The following CNDP2 variants were observed in gnomAD, a reference collection of about 807,000 sequenced individuals.
The protein encoded by CNDP2 is cytosolic non-specific dipeptidase.
A neutral mutation model predicts 55.0 loss-of-function variants in CNDP2; 38 were observed. That is an observed-to-expected ratio of 0.69 (90% CI 0.53 to 0.90). The LOEUF is 0.90. Among genes scored for constraint, CNDP2 ranks in the 40% least tolerant of loss-of-function variants. The pLI is 0.00. For synonymous variants in CNDP2, 241 were observed against 260.2 expected, an observed-to-expected ratio of 0.93 and a Z score of 0.71; for missense variants, 607 against 621.7, an observed-to-expected ratio of 0.98 and a Z score of 0.25.
intron 8 of CNDP2, among the ~76,000 whole-genome samples, chr18:74,514,106 G>A (rs933670978): frequency 6.6e-6 from 1 of 152,214 alleles, no homozygotes; most frequent in Non-Finnish European, 1.5e-5. Flanking sequence ...GGAAAAGTGG[G>A]TCATGACTTT....
rs1979662781 is a variant in CNDP2, at chr18:74,516,325, G to A, written c.1001G>A (p.Arg334Lys). 1 of 1,614,184 alleles carries A rather than the reference G, an allele frequency of 6.2e-7. No individual in the cohort carries two copies. Among genetic ancestry groups the A allele is most frequent in the Non-Finnish European group, 8.5e-7 (1 of 1,180,038 alleles). The change falls in exon 9 of 12, where the codon AGG becomes AAG. Residue 334 changes from arginine (R) to lysine (K), a missense_variant. By Grantham distance (26) the Arg-to-Lys change is conservative. Coordinates refer to ENST00000324262, the MANE Select transcript of CNDP2 (RefSeq NM_018235.3). ...SGSGAKTVIP[R>K]KVVGKFSIRL... ...TCTGGGGCCAAGACCGTGATTCCCA[G>A]GAAGGTGGTTGGCAAGTTCTCCATC...
chr18:74,502,473 GT>G (rs780141172), intron 3 of CNDP2, among the ~76,000 whole-genome samples: 35 of 144,340 alleles, frequency 2.4e-4, no homozygotes, highest in Admixed American at 3.4e-4. Context: ...TGTCTTTTTG[GT>G]TTTTTTTTTT....
At chr18:74,518,245 G>T in intron 9 of CNDP2, 1 of 312,508 alleles carries the variant, frequency 3.2e-6, no homozygotes, top group Non-Finnish European at 6.1e-6. Context: ...CTGGACAACA[G>T]AGCGAGACTC....
chr18:74,513,587 C>T lies in CNDP2; in HGVS notation c.771C>T (p.Ile257=), dbSNP rs1979478133. 1.2e-6 allele frequency: 2 copies of T among 1,613,672 alleles called. No homozygotes were observed. The highest frequency in any genetic ancestry group is 2.2e-5 in the South Asian group (2 of 91,082). Residue 257 remains isoleucine (I), a synonymous_variant, in exon 8 of 12, where the codon ATC becomes ATT. Transcript: ENST00000324262. ...CTTTGGTGGACAAGAGGGGGAACATCCTGATCCCCGGCATTAACGAGGCCG... is the reference window on the plus strand; with the variant it reads ...CTTTGGTGGACAAGAGGGGGAACATTCTGATCCCCGGCATTAACGAGGCCG... ...MGSLVDKRGN[I]LIPGINEAVA...
chr18:74,500,364 T>C (rs966782174), intron 2 of CNDP2, among the ~76,000 whole-genome samples: 2 of 152,258 alleles, frequency 1.3e-5, no homozygotes, highest in Admixed American at 1.3e-4. Flanking sequence ...TTCTTGATGT[T>C]AACTTAGAGC....
intron 3 of CNDP2, among the ~76,000 whole-genome samples, chr18:74,503,494 C>T (rs1208985828): frequency 1.3e-5 from 2 of 152,204 alleles, no homozygotes; most frequent in African/African-American, 4.8e-5. Context: ...TTGGGCGTTT[C>T]AGAACAATTT....
chr18:74,518,225 G>A lies in CNDP2; in HGVS notation c.1069-274G>A, dbSNP rs1372409509. The A allele has an allele frequency of 3.3e-5, 8 of 245,912 alleles. No homozygotes were observed. In the East Asian group the frequency reaches 7.1e-4, roughly 22 times the overall value. 15.2% of individuals were successfully genotyped at this position (245,912 alleles called of 1,614,324 possible). On this transcript the variant is annotated intron_variant, in intron 9 of 11. Coordinates refer to ENST00000324262, the MANE Select transcript of CNDP2 (RefSeq NM_018235.3). Reference sequence around the variant, plus strand: ...TGCAGTGAGCCGAGATCACGCCACTGTGCTCCAGCCTGGACAACAGAGCGA... The same window carrying A: ...TGCAGTGAGCCGAGATCACGCCACTATGCTCCAGCCTGGACAACAGAGCGA...
intron 1 of CNDP2, chr18:74,497,409 A>T (rs531203102): frequency 6.6e-6 from 1 of 152,312 alleles, no homozygotes; most frequent in African/African-American, 2.4e-5. Context: ...TCAGAACTAG[A>T]AGACTCATTT....
In CNDP2 at chr18:74,516,315, G is replaced by T; in HGVS notation, c.991G>T (p.Val331Leu). Residue 331 changes from valine to leucine, a missense_variant, in exon 9 of 12, where the codon GTG (valine) becomes TTG (leucine). Val to Leu is a conservative substitution (Grantham distance 32, BLOSUM62 1). Coordinates refer to ENST00000324262, the MANE Select transcript of CNDP2 (RefSeq NM_018235.3). Reference protein sequence around the residue: ...GAFSGSGAKTVIPRKVVGKFS... With the variant: ...GAFSGSGAKTLIPRKVVGKFS... The stretch of plus-strand genomic sequence containing the variant: ...CTTCTCTGGGTCTGGGGCCAAGACC[G>T]TGATTCCCAGGAAGGTGGTTGGCAA... 6.2e-7 allele frequency: 1 copy of T among 1,614,098 alleles called. No homozygotes were observed. The highest frequency in any genetic ancestry group is 8.5e-7 in the Non-Finnish European group (1 of 1,180,006).
intron 9 of CNDP2, chr18:74,517,915 A>G (rs1979779595): frequency 6.6e-6 from 1 of 152,128 alleles, no homozygotes; most frequent in Non-Finnish European, 1.5e-5. Flanking sequence ...GGAAAGAGTG[A>G]ATTGCTTGAT....
chr18:74,500,405 C>T (rs565619001), intron 2 of CNDP2, among the ~76,000 whole-genome samples: 2 of 152,314 alleles, frequency 1.3e-5, no homozygotes, highest in South Asian at 4.1e-4. Context: ...TTCGTACATA[C>T]ATTACAGATG....
chr18:74,503,072 C>CATTT (rs1978799530), intron 3 of CNDP2, among the ~76,000 whole-genome samples: 1 of 27,332 alleles, frequency 3.7e-5, no homozygotes. Flanking sequence ...TGCTCCCTTT[C>CATTT]GTTTTTTTTT....
rs1182296832 is a variant in CNDP2, at chr18:74,523,064, C to G, written c.*2996C>G. The G allele has an allele frequency of 6.6e-6, 1 of 152,396 alleles. No homozygotes were observed. Among genetic ancestry groups the G allele is most frequent in the East Asian group, 1.9e-4 (1 of 5,198 alleles). The allele number at this position is 152,396 out of a possible 1,614,324, so 9.4% of individuals were successfully genotyped here. ...GAATTTCCAGGAGCACAAGGGCAAT[C>G]TCGACAGCTCCACGTTCCCAGTGCC... On this transcript the variant is annotated 3_prime_UTR_variant, in exon 12 of 12. Transcript: ENST00000324262.
chr18:74,516,995 AGACGCGATAGCTTACG>A (rs1979710921), intron 9 of CNDP2: 2 of 45,676 alleles, frequency 4.4e-5, no homozygotes, highest in East Asian at 2.2e-3. Context: ...CTTACGTGGC[AGACGCGATAGCTTACG>A]TGGCAGAAAC....
At chr18:74,509,920 C>G (rs896020709) in intron 5 of CNDP2, among the ~76,000 whole-genome samples, 2 of 152,116 alleles carry the variant, frequency 1.3e-5, no homozygotes, top group African/African-American at 4.8e-5. Context: ...CCTGCTGGTC[C>G]GGGGGATTAC....
chr18:74,514,096 GGAAAAGTGGGTCA>G (rs1979508134), intron 8 of CNDP2, among the ~76,000 whole-genome samples: 1 of 152,208 alleles, frequency 6.6e-6, no homozygotes, highest in African/African-American at 2.4e-5. Context: ...CTAACTTAGG[GGAAAAGTGGGTCA>G]TGACTTTTCT....
chr18:74,505,938 G>T lies in CNDP2; in HGVS notation c.294G>T (p.Gly98=), dbSNP rs138391233. The T allele has an allele frequency of 5.0e-4, 801 of 1,612,300 alleles. 11 individuals are homozygous for T. The East Asian group carries it at 0.01, about 20-fold the overall frequency. The part of the protein sequence containing the change: ...DPQKKTVCIY[G]HLDVQPAALE... ...AGAAGAAGACCGTGTGCATTTACGG[G>T]CACCTGGATGTGCAGCCTGCAGCCC... is the stretch of plus-strand genomic sequence containing the variant. The change falls in exon 4 of 12, where the codon GGG becomes GGT. Residue 98 remains glycine, a synonymous_variant. Transcript: ENST00000324262.
rs1298252273 is a variant in CNDP2, at chr18:74,500,025, T to C, written c.52T>C (p.Tyr18His). 1 of 1,613,574 alleles carries C rather than the reference T, an allele frequency of 6.2e-7. No individual in the cohort carries two copies. The highest frequency in any genetic ancestry group is 2.2e-5 in the East Asian group (1 of 44,892). ...GTACATAGATGAAAATCAGGATCGC[T>C]ACATTAAGGTAAGGGAATATTCATT... is the stretch of plus-strand genomic sequence containing the variant. ...FKYIDENQDR[Y>H]IKKLAKWVAI... Residue 18 changes from tyrosine (Y) to histidine (H), a missense_variant, in exon 2 of 12, where the codon TAC (tyrosine) becomes CAC (histidine). Coordinates refer to ENST00000324262, the MANE Select transcript of CNDP2 (RefSeq NM_018235.3).
chr18:74,511,570 T>C (rs1979353924), intron 6 of CNDP2, among the ~76,000 whole-genome samples: 1 of 152,000 alleles, frequency 6.6e-6, no homozygotes, highest in Non-Finnish European at 1.5e-5. Flanking sequence ...TAGCCAGGTG[T>C]GGTGGCAGGT....
Sources: gnomAD v4.1 joint callset for allele counts (sites outside exome capture counted in the v4.1 genomes callset) on GRCh38, gnomAD v4.1.1 for gene constraint, MANE v1.5 for transcripts, NCBI Gene and HGNC (gene_info 2026-07-23, HGNC 2026-07-21) for gene names.